The following ENOX1 variants were observed in gnomAD, a reference collection of about 807,000 sequenced individuals.
ENOX1 encodes the protein ecto-NOX disulfide-thiol exchanger 1.
ENOX1 carries 42 observed loss-of-function variants against 82.5 expected under a neutral mutation model. The ratio of observed to expected loss-of-function variants is 0.51; its 90% CI spans 0.40 to 0.66. ENOX1 has a LOEUF of 0.66. ENOX1 is among the 30% of genes least tolerant of loss of function. ENOX1 has a pLI of 0.00. For synonymous variants in ENOX1, 271 were observed against 282.2 expected (o/e 0.96, Z 0.40); for missense variants, 608 against 811.6 (o/e 0.75, Z 3.05).
intron 2 of ENOX1, among the ~76,000 whole-genome samples, chr13:43,646,313 T>G (rs1233088431): frequency 6.6e-6 from 1 of 152,218 alleles, no homozygotes; most frequent in Admixed American, 6.5e-5. Context: ...GACTCCTCAC[T>G]GCTCTTGACA....
intron 1 of ENOX1, among the ~76,000 whole-genome samples, chr13:43,747,909 C>T (rs558751374): frequency 7.2e-5 from 11 of 152,238 alleles, no homozygotes; most frequent in East Asian, 1.9e-4. Context: ...TGAAATTTAG[C>T]GTTTGCTTCA....
At chr13:43,576,764 T>C (rs1285267765) in intron 2 of ENOX1, among the ~76,000 whole-genome samples, 2 of 152,178 alleles carry the variant, frequency 1.3e-5, no homozygotes, top group Non-Finnish European at 2.9e-5. Context: ...AAATTACATA[T>C]ATAGATCACA....
intron 2 of ENOX1, among the ~76,000 whole-genome samples, chr13:43,499,632 T>C (rs905019664): frequency 1.3e-5 from 2 of 151,680 alleles, no homozygotes; most frequent in Non-Finnish European, 2.9e-5. Context: ...CCAAAACCAG[T>C]CTATAAAGAT....
intron 1 of ENOX1, among the ~76,000 whole-genome samples, chr13:43,682,373 G>A (rs148359809): frequency 8.5e-5 from 13 of 152,162 alleles, no homozygotes; most frequent in East Asian, 1.9e-4. Flanking sequence ...TCAGTTCCAC[G>A]GTCTAAATAG....
intron 2 of ENOX1, among the ~76,000 whole-genome samples, chr13:43,628,874 T>C (rs939217267): frequency 3.3e-5 from 5 of 152,102 alleles, no homozygotes; most frequent in African/African-American, 1.2e-4. Context: ...CTGGATATGG[T>C]TGGGGTTTCT....
At chr13:43,510,635 A>C (rs2077332797) in intron 2 of ENOX1, among the ~76,000 whole-genome samples, 1 of 152,084 alleles carries the variant, frequency 6.6e-6, no homozygotes, top group South Asian at 2.1e-4. Flanking sequence ...AATTAGACTC[A>C]TCTACGTGGG....
chr13:43,413,477 C>T (rs1248845819), intron 3 of ENOX1, among the ~76,000 whole-genome samples: 1 of 151,824 alleles, frequency 6.6e-6, no homozygotes, highest in African/African-American at 2.4e-5. Context: ...AAGGAAGAAC[C>T]CATTCACCAT....
Position 43,412,005 on chromosome 13 carries a change from A to T in ENOX1, c.119T>A (p.Met40Lys), listed in dbSNP as rs1413929465. ...CCAGGCTGTGGGATCTGTCACGGAC[A>T]TGTTGAGCTGGGTCGTGTCTATCGC... ...SIAIDTTQLN[M>K]SVTDPTAWAT... Residue 40 changes from methionine to lysine, a missense_variant, in exon 5 of 17, where the codon ATG becomes AAG. By Grantham distance (95) the Met-to-Lys change is moderately conservative. Coordinates refer to ENST00000690772, the MANE Select transcript of ENOX1 (RefSeq NM_001347969.2). The T allele has an allele frequency of 6.2e-7, 1 of 1,614,174 alleles. No individual in the cohort carries two copies. The highest frequency in any genetic ancestry group is 8.5e-7 in the Non-Finnish European group (1 of 1,180,018).
chr13:43,294,088 T>G (rs2046162573), intron 12 of ENOX1, among the ~76,000 whole-genome samples: 1 of 152,148 alleles, frequency 6.6e-6, no homozygotes, highest in Non-Finnish European at 1.5e-5. Flanking sequence ...AATGTCAAGC[T>G]AAGAGTGTGA....
intron 3 of ENOX1, among the ~76,000 whole-genome samples, chr13:43,467,526 T>TA (rs56115988): frequency 6.8e-6 from 1 of 148,008 alleles, no homozygotes. Flanking sequence ...TTTAAAATTT[T>TA]AAATTTTAAA....
intron 2 of ENOX1, among the ~76,000 whole-genome samples, chr13:43,597,621 CTATT>C (rs1288184679): frequency 1.3e-5 from 2 of 152,188 alleles, no homozygotes; most frequent in East Asian, 1.9e-4. Flanking sequence ...AGCCCTTTCT[CTATT>C]TATTCTGTTC....
chr13:43,608,277 T>C (rs143774922), intron 2 of ENOX1, among the ~76,000 whole-genome samples: 1 of 152,276 alleles, frequency 6.6e-6, no homozygotes, highest in African/African-American at 2.4e-5. Context: ...GATATGACTT[T>C]TTCCCCGAAA....
intron 3 of ENOX1, among the ~76,000 whole-genome samples, chr13:43,454,379 C>T (rs1566262407): frequency 6.6e-6 from 1 of 151,840 alleles, no homozygotes; most frequent in East Asian, 1.9e-4. Flanking sequence ...TAGTCTTGTC[C>T]AGCGCAGGAA....
intron 9 of ENOX1, among the ~76,000 whole-genome samples, chr13:43,333,551 G>A (rs891179353): frequency 7.9e-5 from 12 of 152,194 alleles, no homozygotes; most frequent in Admixed American, 5.2e-4. Flanking sequence ...TGTGACCCTC[G>A]AAACGGCAAC....
At chr13:43,342,469 C>T (rs1270992303) in intron 9 of ENOX1, among the ~76,000 whole-genome samples, 7 of 152,166 alleles carry the variant, frequency 4.6e-5, no homozygotes, top group African/African-American at 1.7e-4. Flanking sequence ...AAGGATTCCA[C>T]TTTTGATATT....
At chr13:43,491,640 G>A (rs538706759) in intron 2 of ENOX1, among the ~76,000 whole-genome samples, 1 of 152,186 alleles carries the variant, frequency 6.6e-6, no homozygotes, top group Admixed American at 6.5e-5. Flanking sequence ...GGTGATGTGT[G>A]CCTGTAGTCC....
chr13:43,769,545 C>T (rs911529668), intron 1 of ENOX1, among the ~76,000 whole-genome samples: 1 of 152,176 alleles, frequency 6.6e-6, no homozygotes, highest in Admixed American at 6.5e-5. Flanking sequence ...GTCTTTACAT[C>T]CTATACTGGA....
chr13:43,508,701 T>G (rs1258278011), intron 2 of ENOX1, among the ~76,000 whole-genome samples: 3 of 151,958 alleles, frequency 2.0e-5, no homozygotes, highest in Non-Finnish European at 4.4e-5. Context: ...CAGATAATAT[T>G]GAAATTTTAT....
chr13:43,691,390 T>C (rs117148223), intron 1 of ENOX1, among the ~76,000 whole-genome samples: 3,124 of 151,320 alleles, frequency 0.021, 32 homozygotes, highest in Admixed American at 0.03. Flanking sequence ...TCGTCTTCCA[T>C]GAAAAGAAAA....
Sources: gnomAD v4.1 joint callset for allele counts (sites outside exome capture counted in the v4.1 genomes callset) on GRCh38, gnomAD v4.1.1 for gene constraint, MANE v1.5 for transcripts, NCBI Gene and HGNC (gene_info 2026-07-23, HGNC 2026-07-21) for gene names.